The following NRXN3 variants were observed in gnomAD, a reference collection of about 807,000 sequenced individuals.
NRXN3 encodes neurexin 3.
In NRXN3, 32 loss-of-function variants were observed where a neutral mutation model predicts 137.6. The observed-to-expected ratio is 0.23, with a 90% CI of 0.18 to 0.31. The LOEUF (loss-of-function observed/expected upper bound fraction) is 0.31, where lower values mean the gene tolerates loss of function less well. Ranked by LOEUF, NRXN3 falls within the 10% of genes least tolerant of loss-of-function variation. The pLI is 1.00. For synonymous variants in NRXN3, 798 were observed against 784.5 expected, an observed-to-expected ratio of 1.02 and a Z score of -0.29; for missense variants, 1,574 against 2,062.5, an observed-to-expected ratio of 0.76 and a Z score of 4.59.
intron 15 of NRXN3, chr14:79,279,538 T>C: frequency 1.0e-6 from 1 of 986,290 alleles, no homozygotes; most frequent in African/African-American, 1.7e-5. Flanking sequence ...GGGTGGCTGC[T>C]CCGCACCGGG....
intron 15 of NRXN3, among the ~76,000 whole-genome samples, chr14:78,998,690 C>A (rs1315118063): frequency 6.6e-6 from 1 of 151,144 alleles, no homozygotes; most frequent in Admixed American, 6.6e-5. Context: ...CATCCGCCTA[C>A]CAGGTTCAAG....
Position 79,548,110 on chromosome 14 carries a change from C to T in NRXN3, c.3444+80708C>T, listed in dbSNP as rs1320598657. On this transcript the variant is annotated intron_variant, in intron 16 of 20. Coordinates refer to ENST00000335750, the MANE Select transcript of NRXN3 (RefSeq NM_001330195.2). ...GGTGCAGGTTTGTTACATAGGTATA[C>T]ATATGCCATGGTGGTTTGCTGCACT... Among the ~76,000 whole-genome samples, 3 of 151,974 alleles carry T rather than the reference C, an allele frequency of 2.0e-5. No homozygotes were observed. The East Asian group carries it at 5.8e-4, about 29-fold the overall frequency.
At chr14:79,248,905 G>A (rs889324488) in intron 15 of NRXN3, 1 of 152,294 alleles carries the variant, frequency 6.6e-6, no homozygotes, top group Non-Finnish European at 1.5e-5. Context: ...AAATGCAGGT[G>A]GGGTCATGTA....
intron 1 of NRXN3, among the ~76,000 whole-genome samples, chr14:78,216,552 G>A (rs1258781113): frequency 1.3e-5 from 2 of 152,112 alleles, no homozygotes; most frequent in Non-Finnish European, 2.9e-5. Flanking sequence ...CCTGTGGCTG[G>A]CAAAGGCAAG....
intron 5 of NRXN3, among the ~76,000 whole-genome samples, chr14:78,650,554 TG>T (rs768959461): frequency 3.3e-5 from 5 of 152,102 alleles, no homozygotes; most frequent in Non-Finnish European, 7.4e-5. Context: ...ATTGGTGTCC[TG>T]GGGCAGTCCA....
intron 19 of NRXN3, among the ~76,000 whole-genome samples, chr14:79,739,676 A>G (rs968245655): frequency 6.7e-6 from 1 of 148,804 alleles, no homozygotes; most frequent in African/African-American, 2.5e-5. Context: ...AAAAAAAAAA[A>G]AGAACCCAGG....
chr14:79,845,607 A>ACGGG (rs2099365824), intron 20 of NRXN3, among the ~76,000 whole-genome samples: 1 of 142,116 alleles, frequency 7.0e-6, no homozygotes, highest in Admixed American at 7.1e-5. Flanking sequence ...AGAGAGACAG[A>ACGGG]GAGAGAGACG....
chr14:79,059,253 T>C (rs1444499975), intron 15 of NRXN3, among the ~76,000 whole-genome samples: 1 of 23,678 alleles, frequency 4.2e-5, no homozygotes, highest in African/African-American at 9.1e-5. Context: ...CCCTATTCTT[T>C]TTTTTTTTTT....
At chr14:79,072,314 G>A (rs1296915215) in intron 15 of NRXN3, 2 of 152,156 alleles carry the variant, frequency 1.3e-5, no homozygotes, top group African/African-American at 4.8e-5. Flanking sequence ...CTGTTGATGA[G>A]GAATAGACAG....
intron 16 of NRXN3, among the ~76,000 whole-genome samples, chr14:79,625,928 A>T (rs192483939): frequency 6.6e-6 from 1 of 152,190 alleles, no homozygotes; most frequent in African/African-American, 2.4e-5. Flanking sequence ...GGAGTGATGC[A>T]TGTCTCATAG....
intron 16 of NRXN3, among the ~76,000 whole-genome samples, chr14:79,652,315 AG>A (rs2098480372): frequency 7.6e-6 from 1 of 131,046 alleles, no homozygotes; most frequent in African/African-American, 4.6e-5. Context: ...CTCATAAAGA[AG>A]AGAGAGAAGA....
intron 15 of NRXN3, among the ~76,000 whole-genome samples, chr14:79,306,939 C>G (rs943604302): frequency 1.3e-5 from 2 of 152,036 alleles, no homozygotes; most frequent in Non-Finnish European, 2.9e-5. Context: ...ATAGGGTGAA[C>G]CTTTTTTCAC....
chr14:78,764,336 CTGTTG>C, intron 8 of NRXN3, among the ~76,000 whole-genome samples: 1 of 152,146 alleles, frequency 6.6e-6, no homozygotes, highest in Non-Finnish European at 1.5e-5. Context: ...GCTGGAATAG[CTGTTG>C]AGGAGGAAGT....
At chr14:79,036,798 T>A (rs2099616852) in intron 15 of NRXN3, among the ~76,000 whole-genome samples, 1 of 151,778 alleles carries the variant, frequency 6.6e-6, no homozygotes, top group Admixed American at 6.6e-5. Context: ...GGGAAAGGCA[T>A]GATGACTATT....
At chr14:79,843,805 C>T (rs1359187519) in intron 20 of NRXN3, among the ~76,000 whole-genome samples, 2 of 152,034 alleles carry the variant, frequency 1.3e-5, no homozygotes, top group Admixed American at 6.6e-5. Context: ...TTTTTGGTTG[C>T]ATGGATAAGT....
intron 10 of NRXN3, among the ~76,000 whole-genome samples, chr14:78,896,284 G>A (rs1046052579): frequency 2.0e-5 from 3 of 151,786 alleles, no homozygotes; most frequent in Non-Finnish European, 4.4e-5. Context: ...AATTATATAA[G>A]CTCTGAACAG....
intron 15 of NRXN3, among the ~76,000 whole-genome samples, chr14:79,196,569 T>C (rs1276952897): frequency 1.3e-5 from 2 of 151,516 alleles, no homozygotes; most frequent in African/African-American, 4.8e-5. Context: ...ACATGCACTC[T>C]GGGGGACACA....
intron 4 of NRXN3, among the ~76,000 whole-genome samples, chr14:78,302,878 G>A (rs996938975): frequency 6.6e-6 from 1 of 152,184 alleles, no homozygotes; most frequent in African/African-American, 2.4e-5. Context: ...CATCTCTGCT[G>A]TCAGCTCCCT....
At chr14:79,539,163 C>T (rs964495009) in intron 16 of NRXN3, among the ~76,000 whole-genome samples, 4 of 152,020 alleles carry the variant, frequency 2.6e-5, no homozygotes, top group African/African-American at 9.7e-5. Context: ...AGTAATGGTG[C>T]AATTACAGGC....
Sources: gnomAD v4.1 joint callset for allele counts (sites outside exome capture counted in the v4.1 genomes callset) on GRCh38, gnomAD v4.1.1 for gene constraint, MANE v1.5 for transcripts, NCBI Gene and HGNC (gene_info 2026-07-23, HGNC 2026-07-21) for gene names.